The following GOLGA8A variants were observed in gnomAD, a reference collection of about 807,000 sequenced individuals.
GOLGA8A encodes golgin subfamily A member 8A.
In GOLGA8A, 3 loss-of-function variants were observed where a neutral mutation model predicts 22.1. That is an observed-to-expected ratio of 0.14 (90% CI 0.06 to 0.35). The LOEUF is 0.35. GOLGA8A is among the 10% of genes least tolerant of loss of function. GOLGA8A has a pLI of 1.00. For synonymous variants in GOLGA8A, 7 were observed against 91.7 expected, an observed-to-expected ratio of 0.08 and a Z score of 5.28; for missense variants, 16 against 233.2, an observed-to-expected ratio of 0.07 and a Z score of 6.07.
Position 34,437,759 on chromosome 15 carries a change from C to T in GOLGA8A, c.-1573G>A, listed in dbSNP as rs1457757632. ...CCGGGGGCTGAGCTCCCGCAGAGCT[C>T]GCGCCTAGCCGCACACCTCGACTGC... is the stretch of plus-strand genomic sequence containing the variant. On this transcript the variant is annotated 5_prime_UTR_variant, in exon 1 of 25. Transcript: ENST00000359187. Among the ~76,000 whole-genome samples the T allele has an allele frequency of 2.0e-5, 3 of 147,878 alleles. 1 individual carries two copies. The highest frequency in any genetic ancestry group is 4.5e-5 in the Non-Finnish European group (3 of 66,704).
In GOLGA8A at chr15:34,436,014, C is replaced by T. The variant is rs531338852; in HGVS notation, c.-1211-543G>A. On this transcript the variant is annotated intron_variant, in intron 1 of 24. Coordinates refer to ENST00000359187, the MANE Select transcript of GOLGA8A (RefSeq NM_181077.5). Reference sequence around the variant, plus strand: ...AGGCTGTGGGGGAAGGCAGCCCCCACGGTCACCCAGGAATCAGCGCAGAGT... The same window carrying T: ...AGGCTGTGGGGGAAGGCAGCCCCCATGGTCACCCAGGAATCAGCGCAGAGT... Among the ~76,000 whole-genome samples, 65 of 149,316 alleles carry T rather than the reference C, an allele frequency of 4.4e-4. 5 individuals carry two copies. The highest frequency in any genetic ancestry group is 3.4e-3 in the Middle Eastern group (1 of 294).
intron 2 of GOLGA8A, among the ~76,000 whole-genome samples, chr15:34,431,333 A>ATCTCTC (rs1169013971): frequency 5.8e-5 from 3 of 51,404 alleles, no homozygotes; most frequent in African/African-American, 1.7e-4. Context: ...ATATATATAT[A>ATCTCTC]TATATATATA....
intron 2 of GOLGA8A, among the ~76,000 whole-genome samples, chr15:34,429,148 C>G (rs1191825813): frequency 6.8e-6 from 1 of 147,452 alleles, no homozygotes; most frequent in Non-Finnish European, 1.5e-5. Context: ...TCTGGATGCA[C>G]CTCTCAACAC....
rs1159409562 is a variant in GOLGA8A, at chr15:34,381,243, C to T, written c.*168G>A. 4 of 1,111,562 alleles carry T rather than the reference C, an allele frequency of 3.6e-6. No individual in the cohort carries two copies. The highest frequency in any genetic ancestry group is 5.2e-6 in the Non-Finnish European group (4 of 772,540). The allele number at this position is 1,111,562 out of a possible 1,614,324, so 68.9% of individuals were successfully genotyped here. ...CATCAGTGAGAGCCACAGAGACCCA[C>T]TCTCTTTTAACTTTTTACAAATAAA... On this transcript the variant is annotated 3_prime_UTR_variant, in exon 25 of 25. Coordinates refer to ENST00000359187, the MANE Select transcript of GOLGA8A (RefSeq NM_181077.5).
intron 2 of GOLGA8A, among the ~76,000 whole-genome samples, chr15:34,424,072 C>A (rs1892886774): frequency 6.7e-6 from 1 of 148,284 alleles, no homozygotes; most frequent in African/African-American, 2.5e-5. Flanking sequence ...CTCTAAGGCC[C>A]CCATGGGTGA....
At chr15:34,425,818 G>A (rs1595664512) in intron 2 of GOLGA8A, among the ~76,000 whole-genome samples, 1 of 146,676 alleles carries the variant, frequency 6.8e-6, no homozygotes, top group South Asian at 2.3e-4. Flanking sequence ...TTAGTAGTAA[G>A]CACAGAAGAA....
chr15:34,423,793 T>G (rs1806193741), intron 2 of GOLGA8A, among the ~76,000 whole-genome samples: 2 of 149,290 alleles, frequency 1.3e-5, no homozygotes, highest in Admixed American at 1.3e-4. Context: ...CTTTGGCCAC[T>G]GAGTCACACA....
intron 2 of GOLGA8A, among the ~76,000 whole-genome samples, chr15:34,430,964 T>C (rs1247802600): frequency 2.0e-5 from 3 of 148,206 alleles, no homozygotes; most frequent in Admixed American, 6.9e-5. Context: ...TTCAGACAGA[T>C]GCTAGAGCAC....
At position 34,437,696 on chromosome 15, in the gene GOLGA8A, C is replaced by T. The variant is rs1893611462; in HGVS notation, c.-1510G>A. 7.5e-6 allele frequency among the ~76,000 whole-genome samples: 1 copy of T among 132,794 alleles called. No homozygotes were observed. Among genetic ancestry groups the T allele is most frequent in the Non-Finnish European group, 1.6e-5 (1 of 61,530 alleles). The allele number at this position is 132,794 out of a possible 152,430, so 87.1% of individuals were successfully genotyped here. On this transcript the variant is annotated 5_prime_UTR_variant, in exon 1 of 25. Transcript: ENST00000359187. ...GTCCTCGCCGCGCCGCCGTCCTCGCCGCGCCGCCGTCCTCGCCGCGCCGCT... is the reference window on the plus strand; with the variant it reads ...GTCCTCGCCGCGCCGCCGTCCTCGCTGCGCCGCCGTCCTCGCCGCGCCGCT...
chr15:34,428,790 C>T (rs1595667267), intron 2 of GOLGA8A: 2 of 147,540 alleles, frequency 1.4e-5, no homozygotes, highest in African/African-American at 5.0e-5. Flanking sequence ...CCCCAGACCC[C>T]ACCCTGCTGC....
chr15:34,428,323 G>A (rs1893072711), intron 2 of GOLGA8A, among the ~76,000 whole-genome samples: 1 of 148,086 alleles, frequency 6.8e-6, no homozygotes, highest in African/African-American at 2.5e-5. Context: ...TCAAACTCCT[G>A]GGCTTAAGCG....
At chr15:34,436,375 A>G (rs1893510977) in intron 1 of GOLGA8A, among the ~76,000 whole-genome samples, 2 of 149,890 alleles carry the variant, frequency 1.3e-5, no homozygotes, top group South Asian at 4.3e-4. Context: ...AGTGCCAGAC[A>G]CAAGATGCCA....
intron 1 of GOLGA8A, among the ~76,000 whole-genome samples, chr15:34,436,899 G>C (rs189494898): frequency 1.3e-5 from 2 of 149,736 alleles, no homozygotes; most frequent in Non-Finnish European, 1.5e-5. Context: ...CAGGGAAAGG[G>C]AAGGGGCGAA....
At chr15:34,434,582 C>T (rs1002308036) in intron 2 of GOLGA8A, among the ~76,000 whole-genome samples, 2 of 148,792 alleles carry the variant, frequency 1.3e-5, no homozygotes, top group African/African-American at 5.0e-5. Flanking sequence ...TGGACCCAAC[C>T]CAGGCGGTGG....
rs1892159734 is a variant in GOLGA8A, at chr15:34,404,747, C to A, written c.-575+170G>T. On this transcript the variant is annotated intron_variant, in intron 5 of 24. Transcript: ENST00000359187. ...TATGATTGTGCCACCGCACTCTAGC[C>A]CAGGCGACAGAGCAAGACCCTGTCT... Among the ~76,000 whole-genome samples the A allele has an allele frequency of 2.1e-5, 3 of 146,140 alleles. No individual in the cohort carries two copies. The Admixed American group carries it at 2.1e-4, about 10-fold the overall frequency.
chr15:34,429,117 T>C, intron 2 of GOLGA8A, among the ~76,000 whole-genome samples: 1 of 134,374 alleles, frequency 7.4e-6, no homozygotes. Flanking sequence ...TGCTCATACC[T>C]CCCCACACCC....
At chr15:34,434,209 G>C (rs538681458) in intron 2 of GOLGA8A, among the ~76,000 whole-genome samples, 1 of 149,520 alleles carries the variant, frequency 6.7e-6, no homozygotes, top group Non-Finnish European at 1.5e-5. Flanking sequence ...GGGGGAACTT[G>C]AGAAAAATCA....
chr15:34,430,655 T>C (rs1595669032), intron 2 of GOLGA8A, among the ~76,000 whole-genome samples: 1 of 149,216 alleles, frequency 6.7e-6, no homozygotes, highest in African/African-American at 2.5e-5. Flanking sequence ...AGCAGGCAGG[T>C]TGGTAAAACA....
At chr15:34,424,854 C>G (rs1595663676) in intron 2 of GOLGA8A, among the ~76,000 whole-genome samples, 1 of 134,784 alleles carries the variant, frequency 7.4e-6, no homozygotes, top group East Asian at 2.2e-4. Context: ...AATCCCAGAA[C>G]TTTGGGAGGC....
Sources: gnomAD v4.1 joint callset for allele counts (sites outside exome capture counted in the v4.1 genomes callset) on GRCh38, gnomAD v4.1.1 for gene constraint, MANE v1.5 for transcripts, NCBI Gene and HGNC (gene_info 2026-07-23, HGNC 2026-07-21) for gene names.